DNAJB1: variants seen among roughly 807,000 people sequenced by gnomAD.
DNAJB1 encodes DnaJ heat shock protein family (Hsp40) member B1, also known as dnaJ homolog subfamily B member 1.
DNAJB1 carries 14 observed loss-of-function variants against 24.0 expected under a neutral mutation model. The observed-to-expected ratio is 0.58, with a 90% CI of 0.39 to 0.91. DNAJB1 has a LOEUF of 0.91. DNAJB1 is among the 40% of genes least tolerant of loss of function. The pLI is 0.00. For synonymous variants in DNAJB1, 262 were observed against 174.4 expected, an observed-to-expected ratio of 1.50 and a Z score of -3.96; for missense variants, 517 against 458.1, an observed-to-expected ratio of 1.13 and a Z score of -1.17.
chr19:14,522,967 A>C (rs1158469464), upstream of DNAJB1, among the ~76,000 whole-genome samples: 4 of 152,114 alleles, frequency 2.6e-5, no homozygotes, highest in African/African-American at 9.7e-5. Flanking sequence ...TAATCCCAGC[A>C]CTTTGGGAAG....
intron 2 of DNAJB1, among the ~76,000 whole-genome samples, chr19:14,526,603 G>A (rs1194961705): frequency 3.9e-5 from 6 of 152,164 alleles, no homozygotes; most frequent in East Asian, 3.8e-4. Context: ...GCATGAGGAT[G>A]ATTTGGTGCC....
chr19:14,529,763 C>A (rs955026211), upstream of DNAJB1: 3 of 1,613,456 alleles, frequency 1.9e-6, no homozygotes, highest in Non-Finnish European at 8.5e-7. Flanking sequence ...CATTCTTTTT[C>A]CTTCTTTGCG....
intron 1 of DNAJB1, among the ~76,000 whole-genome samples, chr19:14,528,649 G>GTGGA (rs569808529): frequency 7.4e-4 from 112 of 152,188 alleles, no homozygotes; most frequent in African/African-American, 2.6e-3. Context: ...GGAGCAAAGT[G>GTGGA]TGGAGGGGGG....
upstream of DNAJB1, chr19:14,531,708 C>T (rs1247817727): frequency 6.6e-6 from 1 of 152,348 alleles, no homozygotes; most frequent in East Asian, 1.9e-4. Flanking sequence ...AGGCATGAGC[C>T]ACGGTGCCTA....
upstream of DNAJB1, chr19:14,529,763 C>G (rs955026211): frequency 6.2e-6 from 10 of 1,613,456 alleles, no homozygotes; most frequent in South Asian, 9.9e-5. Flanking sequence ...CATTCTTTTT[C>G]CTTCTTTGCG....
At chr19:14,518,739 G>A (rs183798813), upstream of DNAJB1, among the ~76,000 whole-genome samples, 481 of 152,356 alleles carry the variant, frequency 3.2e-3, 4 homozygotes, top group African/African-American at 0.011. Flanking sequence ...GGGTCAGTAG[G>A]TCGGGACCCA....
upstream of DNAJB1, chr19:14,530,099 C>G (rs1451621835): frequency 5.8e-6 from 2 of 345,480 alleles, no homozygotes; most frequent in African/African-American, 4.2e-5. Context: ...CCGTCACCAG[C>G]GTAGGAAGGG....
At chr19:14,558,400 G>A (rs939730159) in intron 1 of DNAJB1, among the ~76,000 whole-genome samples, 3 of 152,146 alleles carry the variant, frequency 2.0e-5, no homozygotes, top group Admixed American at 6.5e-5. Context: ...CACAAACCTC[G>A]CCCCTGCTCC....
At chr19:14,537,565 G>C (rs374778048) in intron 1 of DNAJB1, among the ~76,000 whole-genome samples, 25 of 152,252 alleles carry the variant, frequency 1.6e-4, no homozygotes, top group African/African-American at 6.0e-4. Flanking sequence ...GCCTGGCTGC[G>C]TGAGAAAGGC....
intron 1 of DNAJB1, among the ~76,000 whole-genome samples, chr19:14,537,785 C>A (rs1009104399): frequency 1.5e-5 from 2 of 136,234 alleles, no homozygotes; most frequent in African/African-American, 5.5e-5. Context: ...TCGCTCTTGT[C>A]CCCTAGGCTG....
At position 14,542,362 on chromosome 19, in the gene DNAJB1, T is replaced by G. The variant is rs1283480194; in HGVS notation, c.-214+7846A>C. Among the ~76,000 whole-genome samples the G allele has an allele frequency of 1.1e-4, 14 of 129,902 alleles. 1 individual carries two copies. Among genetic ancestry groups the G allele is most frequent in the African/African-American group, 5.9e-5 (2 of 33,956 alleles). The allele number at this position is 129,902 out of a possible 152,430, so 85.2% of individuals were successfully genotyped here. On this transcript the variant is annotated intron_variant, in intron 1 of 3. Coordinates refer to the DNAJB1 transcript ENST00000676982. The stretch of plus-strand genomic sequence containing the variant: ...ATGCCATAGTGTTTTTTTTTTTTTT[T>G]TTTTTTTTTTTTTTCTGAGATGGAG...
At chr19:14,518,013 AGGGCGGG>A in intron 1 of DNAJB1, 119 bp downstream of exon 1, 1 of 1,048,056 alleles carries the variant, frequency 9.5e-7, no homozygotes, top group Non-Finnish European at 1.3e-6. Context: ...GCGAGGCCGG[AGGGCGGG>A]GCAGCTCGGC....
At position 14,516,657 on chromosome 19, in the gene DNAJB1, C is replaced by G. The variant is rs202063146; in HGVS notation, c.601G>C (p.Asp201His). 1 of 1,614,196 alleles carries G rather than the reference C, an allele frequency of 6.2e-7. No homozygotes were observed. The highest frequency in any genetic ancestry group is 1.1e-5 in the South Asian group (1 of 91,082). Residue 201 changes from aspartate (D) to histidine (H), a missense_variant, in exon 2 of 3, where the codon GAC (aspartate) becomes CAC (histidine). Physicochemically the swap from Asp to His is moderately conservative, Grantham distance 81. Transcript: ENST00000254322. Reference sequence around the variant, plus strand: ...TTCACTTCGATGGTCAATATTTTGTCTTCGTTTCGAATGCTCTTTCCGTCG... The same window carrying G: ...TTCACTTCGATGGTCAATATTTTGTGTTCGTTTCGAATGCTCTTTCCGTCG... The part of the protein sequence containing the change: ...NPDGKSIRNE[D>H]KILTIEVKKG...
chr19:14,516,097 A>G lies in DNAJB1; in HGVS notation c.866T>C (p.Ile289Thr), dbSNP rs753050653. 11 of 1,613,866 alleles carry G rather than the reference A, an allele frequency of 6.8e-6. No homozygotes were observed. The South Asian group carries it at 8.8e-5, about 13-fold the overall frequency. Residue 289 changes from isoleucine to threonine, a missense_variant, in exon 3 of 3, where the codon ATC becomes ACC. Transcript: ENST00000254322. ...RTIPVVFKDV[I>T]RPGMRRKVPG... ...AACTTTTCGCCGCATGCCAGGCCTG[A>G]TAACATCTTTGAATACGACGGGTAT...
At chr19:14,535,464 G>T (rs553409971) in intron 1 of DNAJB1, among the ~76,000 whole-genome samples, 1 of 118,902 alleles carries the variant, frequency 8.4e-6, no homozygotes, top group Non-Finnish European at 1.6e-5. Flanking sequence ...CCGAGATCGC[G>T]CCACTGCACT....
chr19:14,534,292 T>G (rs980874386), upstream of DNAJB1, among the ~76,000 whole-genome samples: 3 of 127,532 alleles, frequency 2.4e-5, no homozygotes, highest in Admixed American at 2.3e-4. Context: ...GCCTGGCTAA[T>G]TTTTTGTATT....
chr19:14,555,022 C>T (rs531300047), upstream of DNAJB1, among the ~76,000 whole-genome samples: 1 of 151,728 alleles, frequency 6.6e-6, no homozygotes, highest in South Asian at 2.1e-4. Context: ...TGTGATCTGC[C>T]CACGTCCGCC....
intron 1 of DNAJB1, among the ~76,000 whole-genome samples, chr19:14,546,747 C>T (rs1331498460): frequency 2.6e-5 from 4 of 152,008 alleles, no homozygotes; most frequent in Admixed American, 6.6e-5. Flanking sequence ...TGCCGTGTCG[C>T]GATCTTGGCT....
chr19:14,549,703 G>A (rs573922905), intron 1 of DNAJB1, among the ~76,000 whole-genome samples: 6 of 152,158 alleles, frequency 3.9e-5, no homozygotes, highest in East Asian at 2.0e-4. Flanking sequence ...CCAGCACTTA[G>A]GGAGGCTTAG....
Sources: allele counts gnomAD v4.1 joint callset (sites outside exome capture counted in the v4.1 genomes callset), GRCh38; gene constraint gnomAD v4.1.1; transcripts MANE v1.5; gene names NCBI Gene and HGNC (gene_info 2026-07-23, HGNC 2026-07-21).